WWOX: variants seen among roughly 807,000 people sequenced by gnomAD.
The protein encoded by WWOX is WW domain-containing oxidoreductase.
A neutral mutation model predicts 46.2 loss-of-function variants in WWOX; 69 were observed. The observed-to-expected ratio is 1.49, with a 90% CI of 1.23 to 1.82. The LOEUF (loss-of-function observed/expected upper bound fraction) is 1.82. Among genes scored for constraint, WWOX ranks in the 40% most tolerant of loss-of-function variants. The pLI is 0.00. For missense variants in WWOX, 919 were observed against 542.6 expected, an observed-to-expected ratio of 1.69 and a Z score of -6.89; for synonymous variants, 359 against 202.6, an observed-to-expected ratio of 1.77 and a Z score of -6.56.
At chr16:78,736,015 C>G (rs574470507) in intron 8 of WWOX, among the ~76,000 whole-genome samples, 50 of 152,240 alleles carry the variant, frequency 3.3e-4, no homozygotes, top group African/African-American at 1.1e-3. Flanking sequence ...CTGTCTGAAC[C>G]CTGTGTTTTG....
intron 5 of WWOX, among the ~76,000 whole-genome samples, chr16:78,225,594 A>G (rs2037027092): frequency 6.6e-6 from 1 of 152,204 alleles, no homozygotes; most frequent in African/African-American, 2.4e-5. Context: ...CTTTGAAATC[A>G]TTAAATTCAT....
chr16:78,344,295 C>T (rs4561477), intron 5 of WWOX, among the ~76,000 whole-genome samples: 21,602 of 119,648 alleles, frequency 0.18, 7,127 homozygotes, highest in Non-Finnish European at 0.24. Context: ...TAAGTGATAG[C>T]ACCCATTGCT....
intron 8 of WWOX, among the ~76,000 whole-genome samples, chr16:78,504,704 G>T (rs74328476): frequency 1.3e-5 from 2 of 152,104 alleles, no homozygotes; most frequent in Non-Finnish European, 1.5e-5. Context: ...ATTAATTCCA[G>T]TTTCTCAATT....
chr16:78,445,309 C>T (rs182888735), intron 8 of WWOX, among the ~76,000 whole-genome samples: 4 of 152,170 alleles, frequency 2.6e-5, no homozygotes, highest in South Asian at 2.1e-4. Context: ...GCGCTCACCT[C>T]AGTAAATTGA....
At chr16:78,733,134 G>A (rs976526532) in intron 8 of WWOX, among the ~76,000 whole-genome samples, 2 of 151,888 alleles carry the variant, frequency 1.3e-5, no homozygotes, top group African/African-American at 4.8e-5. Context: ...TTTTAATTAC[G>A]TTCATATTTA....
chr16:78,566,347 C>T (rs1053863431), intron 8 of WWOX, among the ~76,000 whole-genome samples: 1 of 152,316 alleles, frequency 6.6e-6, no homozygotes, highest in South Asian at 2.1e-4. Context: ...TACCTCTCTA[C>T]TAAGTGATTC....
intron 5 of WWOX, among the ~76,000 whole-genome samples, chr16:78,302,504 C>T (rs2080059176): frequency 6.6e-6 from 1 of 152,110 alleles, no homozygotes. Flanking sequence ...TACCTGCAGA[C>T]ATGTTTTGTC....
At chr16:78,694,781 A>C (rs946976091) in intron 8 of WWOX, among the ~76,000 whole-genome samples, 6 of 151,108 alleles carry the variant, frequency 4.0e-5, no homozygotes, top group Non-Finnish European at 8.8e-5. Flanking sequence ...TTTTGAAGTT[A>C]CTCTTCCTGC....
chr16:78,751,469 A>ATT (rs1338235546), intron 8 of WWOX, among the ~76,000 whole-genome samples: 2 of 143,734 alleles, frequency 1.4e-5, no homozygotes, highest in African/African-American at 5.1e-5. Context: ...TTTTATATAT[A>ATT]TATATATATA....
intron 8 of WWOX, among the ~76,000 whole-genome samples, chr16:78,494,134 T>G (rs2084853019): frequency 6.6e-6 from 1 of 152,132 alleles, no homozygotes; most frequent in African/African-American, 2.4e-5. Context: ...TGGCTGGCAG[T>G]GGAGGAAGAG....
At chr16:78,396,331 G>A (rs985036942) in intron 6 of WWOX, among the ~76,000 whole-genome samples, 1 of 151,686 alleles carries the variant, frequency 6.6e-6, no homozygotes, top group Non-Finnish European at 1.5e-5. Flanking sequence ...GAGCCTTTTT[G>A]CCATATTAAA....
intron 3 of WWOX, among the ~76,000 whole-genome samples, chr16:78,112,484 C>T (rs991650771): frequency 3.3e-5 from 5 of 152,044 alleles, no homozygotes; most frequent in African/African-American, 1.2e-4. Flanking sequence ...AGCAAATAGG[C>T]CAAAGCTTGC....
intron 8 of WWOX, among the ~76,000 whole-genome samples, chr16:78,984,205 C>T (rs2046740307): frequency 6.6e-6 from 1 of 151,994 alleles, no homozygotes; most frequent in South Asian, 2.1e-4. Flanking sequence ...CTTTTATTTG[C>T]TTTGAGTCCG....
intron 5 of WWOX, among the ~76,000 whole-genome samples, chr16:78,329,501 C>T (rs1167331797): frequency 6.6e-6 from 1 of 152,110 alleles, no homozygotes; most frequent in Non-Finnish European, 1.5e-5. Flanking sequence ...ATGTGACCTA[C>T]CTTTGTAGTT....
intron 5 of WWOX, among the ~76,000 whole-genome samples, chr16:78,252,897 G>A (rs1422811271): frequency 6.6e-6 from 1 of 152,202 alleles, no homozygotes; most frequent in Non-Finnish European, 1.5e-5. Context: ...GGTCGGTTTA[G>A]AACAACACAG....
At chr16:78,235,834 T>G (rs1469003035) in intron 5 of WWOX, among the ~76,000 whole-genome samples, 1 of 152,196 alleles carries the variant, frequency 6.6e-6, no homozygotes, top group Admixed American at 6.5e-5. Context: ...CCAGAGATCC[T>G]GCCTCACTGG....
intron 8 of WWOX, among the ~76,000 whole-genome samples, chr16:79,132,333 C>T (rs1319437016): frequency 2.6e-5 from 4 of 152,198 alleles, no homozygotes; most frequent in Admixed American, 6.5e-5. Flanking sequence ...TTTGTTAGGT[C>T]CCAGTATTGG....
intron 8 of WWOX, among the ~76,000 whole-genome samples, chr16:78,734,692 A>G (rs1000398372): frequency 6.6e-6 from 1 of 151,816 alleles, no homozygotes; most frequent in African/African-American, 2.4e-5. Flanking sequence ...GGGTGAGGTG[A>G]ACATTTAAAT....
At chr16:78,563,513 A>G (rs1392894662) in intron 8 of WWOX, among the ~76,000 whole-genome samples, 28 of 106,384 alleles carry the variant, frequency 2.6e-4, no homozygotes, top group Non-Finnish European at 4.7e-4. Context: ...ACACACACAC[A>G]CACGCTTTTT....
Sources: allele counts gnomAD v4.1 joint callset (sites outside exome capture counted in the v4.1 genomes callset), GRCh38; gene constraint gnomAD v4.1.1; transcripts MANE v1.5; gene names NCBI Gene and HGNC (gene_info 2026-07-23, HGNC 2026-07-21).